TTC28: variants seen among roughly 807,000 people sequenced by gnomAD.
The protein encoded by TTC28 is tetratricopeptide repeat domain 28.
A neutral mutation model predicts 198.0 loss-of-function variants in TTC28; 61 were observed. That is an observed-to-expected ratio of 0.31 (90% CI 0.25 to 0.38). The LOEUF is 0.38. Among genes scored for constraint, TTC28 ranks in the 10% least tolerant of loss-of-function variants. The probability of loss-of-function intolerance (pLI) is 1.00; values close to 1 mark genes in which losing one functional copy is unlikely to be tolerated. For missense variants in TTC28, 2,678 were observed against 3,164.0 expected, an observed-to-expected ratio of 0.85 and a Z score of 3.69; for synonymous variants, 1,171 against 1,297.8, an observed-to-expected ratio of 0.90 and a Z score of 2.10.
At chr22:28,338,298 G>C (rs968998880) in intron 2 of TTC28, among the ~76,000 whole-genome samples, 1 of 152,116 alleles carries the variant, frequency 6.6e-6, no homozygotes, top group Admixed American at 6.5e-5. Context: ...CAACTTTGGT[G>C]AATCTGACAA....
chr22:28,349,470 T>C (rs1228847151), intron 2 of TTC28, among the ~76,000 whole-genome samples: 3 of 152,204 alleles, frequency 2.0e-5, no homozygotes, highest in Non-Finnish European at 4.4e-5. Flanking sequence ...CCCATCCATC[T>C]GCCTGAATGG....
At chr22:28,207,033 A>C (rs1424203364) in intron 5 of TTC28, among the ~76,000 whole-genome samples, 1 of 152,138 alleles carries the variant, frequency 6.6e-6, no homozygotes, top group African/African-American at 2.4e-5. Flanking sequence ...GTTATTAGGA[A>C]GGTAAATTTG....
At chr22:28,136,912 G>A (rs1943212574) in intron 6 of TTC28, among the ~76,000 whole-genome samples, 1 of 152,136 alleles carries the variant, frequency 6.6e-6, no homozygotes, top group Admixed American at 6.5e-5. Context: ...GAAAACTTGG[G>A]AGTACCGCTT....
At chr22:28,557,651 G>A (rs1443268114) in intron 2 of TTC28, among the ~76,000 whole-genome samples, 1 of 151,774 alleles carries the variant, frequency 6.6e-6, no homozygotes, top group East Asian at 1.9e-4. Context: ...AAGTTCTTGG[G>A]GTCTGTTGTA....
chr22:28,014,180 TG>T, intron 14 of TTC28, 67 bp downstream of exon 14: 7 of 1,491,110 alleles, frequency 4.7e-6, no homozygotes, highest in Non-Finnish European at 6.3e-6. Context: ...GAGGGATACA[TG>T]TGGGCGCTGA....
At chr22:28,245,150 G>C (rs1250852071) in intron 5 of TTC28, among the ~76,000 whole-genome samples, 1 of 152,138 alleles carries the variant, frequency 6.6e-6, no homozygotes, top group Non-Finnish European at 1.5e-5. Context: ...ATTCACAAAT[G>C]GTAGGGAACA....
intron 5 of TTC28, among the ~76,000 whole-genome samples, chr22:28,265,198 A>C (rs1331332272): frequency 6.6e-6 from 1 of 152,210 alleles, no homozygotes; most frequent in Non-Finnish European, 1.5e-5. Context: ...TTACACAATT[A>C]ATAGAACTAT....
At chr22:28,095,021 G>C (rs765098410) in intron 11 of TTC28, among the ~76,000 whole-genome samples, 1 of 151,986 alleles carries the variant, frequency 6.6e-6, no homozygotes, top group African/African-American at 2.4e-5. Context: ...CAGGAATTCC[G>C]ATATACCACC....
At chr22:28,578,367 C>A (rs1482330608) in intron 2 of TTC28, among the ~76,000 whole-genome samples, 1 of 152,032 alleles carries the variant, frequency 6.6e-6, no homozygotes, top group Non-Finnish European at 1.5e-5. Flanking sequence ...AGTCTTTCTA[C>A]TGAAAATATG....
At chr22:28,405,204 T>TA (rs2046981719) in intron 2 of TTC28, among the ~76,000 whole-genome samples, 2 of 152,228 alleles carry the variant, frequency 1.3e-5, no homozygotes. Flanking sequence ...TTTTGAGATT[T>TA]AAAAAATTAA....
intron 2 of TTC28, among the ~76,000 whole-genome samples, chr22:28,515,337 T>A (rs2048764691): frequency 6.6e-6 from 1 of 152,210 alleles, no homozygotes; most frequent in Admixed American, 6.5e-5. Flanking sequence ...TTAAAGGCTC[T>A]CCTCAATTAT....
rs528311844 is a variant in TTC28 at position 28,063,541 on chromosome 22, G to A, written c.3932+30539C>T. Reference sequence around the variant, plus strand: ...GGTATTTCCCCCACCCTGCCCCACTGCCCACCGCAGAGAGTTTTTGTTATT... The same window carrying A: ...GGTATTTCCCCCACCCTGCCCCACTACCCACCGCAGAGAGTTTTTGTTATT... On this transcript the variant is annotated intron_variant, in intron 12 of 22. Transcript: ENST00000397906. Among the ~76,000 whole-genome samples the A allele has an allele frequency of 7.2e-5, 11 of 152,172 alleles. 1 individual carries two copies. The highest frequency in any genetic ancestry group is 2.2e-4 in the African/African-American group (9 of 41,512).
chr22:28,030,089 C>T, intron 13 of TTC28, 137 bp downstream of exon 13: 1 of 1,281,582 alleles, frequency 7.8e-7, no homozygotes, highest in Non-Finnish European at 1.1e-6. Context: ...GCTGTGAAAG[C>T]ATCATGCTTG....
chr22:28,572,293 G>A (rs1165808633), intron 2 of TTC28, among the ~76,000 whole-genome samples: 2 of 152,106 alleles, frequency 1.3e-5, no homozygotes, highest in African/African-American at 4.8e-5. Flanking sequence ...AGTGAGCTGA[G>A]ATTGCACCAA....
chr22:28,447,966 CTTCT>C (rs1245717411), intron 2 of TTC28, among the ~76,000 whole-genome samples: 3 of 152,140 alleles, frequency 2.0e-5, no homozygotes, highest in Admixed American at 6.5e-5. Flanking sequence ...CTTATTGTTT[CTTCT>C]TTCTTTCGCT....
chr22:28,343,167 G>T (rs898690050), intron 2 of TTC28, among the ~76,000 whole-genome samples: 17 of 152,002 alleles, frequency 1.1e-4, no homozygotes, highest in African/African-American at 4.1e-4. Flanking sequence ...TTTAAAAATA[G>T]AATAAAATAA....
At chr22:28,534,131 G>A (rs894217029) in intron 2 of TTC28, among the ~76,000 whole-genome samples, 7 of 152,156 alleles carry the variant, frequency 4.6e-5, no homozygotes, top group African/African-American at 1.7e-4. Context: ...GCAACCTACA[G>A]AATGGGAGAA....
At chr22:28,361,373 G>A (rs1261135286) in intron 2 of TTC28, among the ~76,000 whole-genome samples, 1 of 152,110 alleles carries the variant, frequency 6.6e-6, no homozygotes, top group Non-Finnish European at 1.5e-5. Context: ...TTGATATGGA[G>A]AGTTTTAGTG....
chr22:28,257,739 CATATATATATATATAT>C (rs66590909), intron 5 of TTC28, among the ~76,000 whole-genome samples: 1,405 of 96,576 alleles, frequency 0.015, 44 homozygotes, highest in Middle Eastern at 0.04. Flanking sequence ...GGTAATAGAA[CATATATATATATATAT>C]ATATATATAT....
Sources: allele counts gnomAD v4.1 joint callset (sites outside exome capture counted in the v4.1 genomes callset), GRCh38; gene constraint gnomAD v4.1.1; transcripts MANE v1.5; gene names NCBI Gene and HGNC (gene_info 2026-07-23, HGNC 2026-07-21).